PTPRN2: variants seen among roughly 807,000 people sequenced by gnomAD.
The protein encoded by PTPRN2 is protein tyrosine phosphatase receptor type N2.
In PTPRN2, 74 loss-of-function variants were observed where a neutral mutation model predicts 118.8. That is an observed-to-expected ratio of 0.62 (90% CI 0.52 to 0.76). PTPRN2 has a LOEUF of 0.76. Among genes scored for constraint, PTPRN2 ranks in the 30% least tolerant of loss-of-function variants. The probability of loss-of-function intolerance (pLI) is 0.00; values close to 1 mark genes in which losing one functional copy is unlikely to be tolerated. For missense variants in PTPRN2, 1,481 were observed against 1,394.4 expected, an observed-to-expected ratio of 1.06 and a Z score of -0.99; for synonymous variants, 641 against 608.0, an observed-to-expected ratio of 1.05 and a Z score of -0.80.
chr7:158,219,028 G>A (rs917685732), intron 3 of PTPRN2, among the ~76,000 whole-genome samples: 4 of 152,068 alleles, frequency 2.6e-5, no homozygotes, highest in Non-Finnish European at 5.9e-5. Context: ...CATAGAGGCA[G>A]AAAACAAAGA....
chr7:158,341,720 A>T (rs1320718204), intron 2 of PTPRN2, among the ~76,000 whole-genome samples: 1 of 139,292 alleles, frequency 7.2e-6, no homozygotes, highest in African/African-American at 2.9e-5. Flanking sequence ...CTCACCATAG[A>T]GCTGACGCCC....
rs1563446641 is a variant in PTPRN2 at position 158,571,511 on chromosome 7, A to AAC, written c.112+16046_112+16047insGT. On this transcript the variant is annotated intron_variant, in intron 1 of 22. Coordinates refer to ENST00000389418, the MANE Select transcript of PTPRN2 (RefSeq NM_002847.5). ...CAAAAACAAAAAAAAACAAAAAAAA[A>AAC]CACACACCTATTTCTTTTTTTTTTT... Among the ~76,000 whole-genome samples, 212 of 146,088 alleles carry AAC rather than the reference A, an allele frequency of 1.5e-3. 2 individuals are homozygous for AAC. The highest frequency in any genetic ancestry group is 5.2e-3 in the African/African-American group (203 of 39,244).
At chr7:157,776,398 TCTCCTC>T (rs1171252404) in intron 12 of PTPRN2, among the ~76,000 whole-genome samples, 2 of 30,382 alleles carry the variant, frequency 6.6e-5, no homozygotes, top group Admixed American at 3.9e-4. Context: ...TCCTCCTCCA[TCTCCTC>T]CTCCTCCTCC....
At chr7:158,134,761 C>T (rs1818667095) in intron 8 of PTPRN2, among the ~76,000 whole-genome samples, 1 of 152,224 alleles carries the variant, frequency 6.6e-6, no homozygotes, top group African/African-American at 2.4e-5. Flanking sequence ...GGCACCTCTG[C>T]TGACTATGCA....
rs1174096386 is a variant in PTPRN2 at position 158,570,147 on chromosome 7, CA to C, written c.112+17410del. 1.3e-5 allele frequency among the ~76,000 whole-genome samples: 2 copies of C among 152,302 alleles called. No homozygotes were observed. Among genetic ancestry groups the C allele is most frequent in the East Asian group, 3.9e-4 (2 of 5,154 alleles). On this transcript the variant is annotated intron_variant, in intron 1 of 22. Transcript: ENST00000389418. The surrounding 1 kb of genome is among the most constrained non-coding windows in gnomAD (Gnocchi z 4.5). ...CCCAGGCTCTCCGCGGAGCCGTCTCCAACCCCTGCAGGCCGACCTGGGCAGC... is the reference window on the plus strand; with the variant it reads ...CCCAGGCTCTCCGCGGAGCCGTCTCCACCCCTGCAGGCCGACCTGGGCAGC...
In PTPRN2 at chr7:157,881,103, T is replaced by C. The variant is rs1162929665; in HGVS notation, c.1788+17570A>G. On this transcript the variant is annotated intron_variant, in intron 12 of 22. Transcript: ENST00000389418. This position sits in a 1 kb window ranked among gnomAD's most constrained non-coding sequence, Gnocchi z 4.7. ...ATGAGGATATGTGGAGATGGGGGTG[T>C]TTACAGTAGTCATTATGATAAAATG... Among the ~76,000 whole-genome samples the C allele has an allele frequency of 6.6e-6, 1 of 151,908 alleles. No homozygotes were observed. The highest frequency in any genetic ancestry group is 2.4e-5 in the African/African-American group (1 of 41,328).
At chr7:158,149,709 C>T (rs184232281) in intron 6 of PTPRN2, among the ~76,000 whole-genome samples, 1 of 151,124 alleles carries the variant, frequency 6.6e-6, no homozygotes, top group Non-Finnish European at 1.5e-5. Flanking sequence ...GAGGCTAAGG[C>T]AGGAGAATTG....
rs1186526521 is a variant in PTPRN2 at position 157,803,528 on chromosome 7, C to T, written c.1788+95145G>A. Among the ~76,000 whole-genome samples, 10 of 152,348 alleles carry T rather than the reference C, an allele frequency of 6.6e-5. No homozygotes were observed. The East Asian group carries it at 1.7e-3, about 26-fold the overall frequency. On this transcript the variant is annotated intron_variant, in intron 12 of 22. Transcript: ENST00000389418. ...CTTTGCCTAGATGAATGTCATCATG[C>T]TTCCCCCGTGTTTTCTTCTAGTACG...
At chr7:157,994,408 C>T (rs966906616) in intron 11 of PTPRN2, among the ~76,000 whole-genome samples, 1 of 152,162 alleles carries the variant, frequency 6.6e-6, no homozygotes, top group African/African-American at 2.4e-5. Flanking sequence ...GACCAGGGAG[C>T]GAGAGGAAGA....
chr7:157,581,815 A>G (rs1048709376), intron 17 of PTPRN2, among the ~76,000 whole-genome samples: 2 of 152,234 alleles, frequency 1.3e-5, no homozygotes, highest in African/African-American at 4.8e-5. Flanking sequence ...TGCAGATGCA[A>G]CTGAGCTGAG....
chr7:158,180,180 A>C (rs1824576770), intron 5 of PTPRN2, among the ~76,000 whole-genome samples: 1 of 152,250 alleles, frequency 6.6e-6, no homozygotes, highest in African/African-American at 2.4e-5. Flanking sequence ...ATCCAGTTTC[A>C]TTCTTCTACA....
At chr7:158,330,306 G>C (rs1436649560) in intron 2 of PTPRN2, among the ~76,000 whole-genome samples, 2 of 57,308 alleles carry the variant, frequency 3.5e-5, no homozygotes, top group Non-Finnish European at 7.8e-5. Flanking sequence ...CACCATAAGA[G>C]CTGACACCCG....
At chr7:158,296,319 G>C (rs1800495910) in intron 3 of PTPRN2, among the ~76,000 whole-genome samples, 1 of 152,132 alleles carries the variant, frequency 6.6e-6, no homozygotes, top group Non-Finnish European at 1.5e-5. Flanking sequence ...AGTTGGAGGA[G>C]AGCCTGGCTG....
chr7:158,270,620 G>A (rs918838817), intron 3 of PTPRN2, among the ~76,000 whole-genome samples: 11 of 152,042 alleles, frequency 7.2e-5, no homozygotes, highest in African/African-American at 2.4e-4. Flanking sequence ...AATAAGGGAA[G>A]GTTTCGACCA....
intron 6 of PTPRN2, among the ~76,000 whole-genome samples, chr7:158,139,591 G>A (rs1294585163): frequency 6.6e-6 from 1 of 151,974 alleles, no homozygotes; most frequent in Non-Finnish European, 1.5e-5. Flanking sequence ...CAGTCACTAA[G>A]TTCCACGATA....
chr7:158,252,650 C>T (rs1041799780), intron 3 of PTPRN2, among the ~76,000 whole-genome samples: 1 of 152,226 alleles, frequency 6.6e-6, no homozygotes, highest in Admixed American at 6.5e-5. Context: ...GAAGCCACCA[C>T]GCCAGCTGCA....
At chr7:158,402,990 G>A (rs1462068631) in intron 2 of PTPRN2, among the ~76,000 whole-genome samples, 1 of 152,228 alleles carries the variant, frequency 6.6e-6, no homozygotes, top group African/African-American at 2.4e-5. Context: ...GAAAACCCAT[G>A]AGCAGCCCCA....
intron 6 of PTPRN2, among the ~76,000 whole-genome samples, chr7:158,156,752 G>A (rs1821856467): frequency 6.6e-6 from 1 of 152,266 alleles, no homozygotes; most frequent in African/African-American, 2.4e-5. Context: ...CACCTGCCCT[G>A]TGCCCTCAGA....
At chr7:157,608,771 G>A (rs954773397) in intron 15 of PTPRN2, among the ~76,000 whole-genome samples, 4 of 152,166 alleles carry the variant, frequency 2.6e-5, no homozygotes, top group Non-Finnish European at 5.9e-5. Context: ...GCCTGTGCTC[G>A]GGGAACTGAA....
Sources: gnomAD v4.1 joint callset for allele counts (sites outside exome capture counted in the v4.1 genomes callset) on GRCh38, gnomAD v4.1.1 for gene constraint, Gnocchi (gnomAD v3.1) non-coding constraint, MANE v1.5 for transcripts, NCBI Gene and HGNC (gene_info 2026-07-23, HGNC 2026-07-21) for gene names.